CRLF3: variants seen among roughly 807,000 people sequenced by gnomAD.
The protein encoded by CRLF3 is cytokine receptor like factor 3, also known as cytokine receptor-like factor 3.
A neutral mutation model predicts 55.0 loss-of-function variants in CRLF3; 33 were observed. The observed-to-expected ratio is 0.60, with a 90% CI of 0.46 to 0.80. The LOEUF (loss-of-function observed/expected upper bound fraction) is 0.80. CRLF3 is among the 30% of genes least tolerant of loss of function. The probability of loss-of-function intolerance (pLI) is 0.00; values close to 1 mark genes in which losing one functional copy is unlikely to be tolerated. For missense variants in CRLF3, 494 were observed against 538.4 expected (o/e 0.92, Z 0.82); for synonymous variants, 238 against 196.8 (o/e 1.21, Z -1.75).
rs1047159709 is a variant in CRLF3 at position 30,792,561 on chromosome 17, C to T, written c.838G>A (p.Gly280Ser). The change falls in exon 6 of 8, where the codon GGT becomes AGT. Residue 280 changes from glycine to serine, a missense_variant. By Grantham distance (56) the Gly-to-Ser change is moderately conservative. Transcript: ENST00000324238. ...CTGCTCAGACTGTACCCCTCAAAAC[C>T]AGCTGTCCACTCTTTTTCAAAGCAA... ...STLVPHEWTA[G>S]FEGYSLSSRR... The T allele has an allele frequency of 6.3e-7, 1 of 1,598,326 alleles. No homozygotes were observed. The highest frequency in any genetic ancestry group is 1.1e-5 in the South Asian group (1 of 90,368).
chr17:30,795,097 A>G (rs1971890242), intron 4 of CRLF3, among the ~76,000 whole-genome samples: 1 of 152,204 alleles, frequency 6.6e-6, no homozygotes, highest in South Asian at 2.1e-4. Flanking sequence ...AACTAGGTCC[A>G]CTGATAGGAA....
At chr17:30,821,315 G>A (rs1367308777) in intron 1 of CRLF3, among the ~76,000 whole-genome samples, 3 of 150,344 alleles carry the variant, frequency 2.0e-5, no homozygotes, top group Non-Finnish European at 4.4e-5. Context: ...ACTCCAGCCT[G>A]GGTGACAGAG....
chr17:30,820,239 T>C (rs1054648894), intron 1 of CRLF3, among the ~76,000 whole-genome samples: 5 of 152,214 alleles, frequency 3.3e-5, no homozygotes, highest in African/African-American at 1.2e-4. Flanking sequence ...GAGCCCAAAC[T>C]TAACCACAAG....
chr17:30,810,943 A>G (rs1160596239), intron 1 of CRLF3, among the ~76,000 whole-genome samples: 3 of 151,206 alleles, frequency 2.0e-5, no homozygotes, highest in African/African-American at 7.3e-5. Context: ...ACAAAAAATC[A>G]GCTGTGTGTG....
chr17:30,787,867 A>C (rs980076305), intron 6 of CRLF3, among the ~76,000 whole-genome samples: 3 of 152,052 alleles, frequency 2.0e-5, no homozygotes, highest in Admixed American at 6.6e-5. Context: ...TGGGTGTGGT[A>C]GTGGCTCCTG....
intron 1 of CRLF3, among the ~76,000 whole-genome samples, chr17:30,821,962 T>G (rs148401771): frequency 6.6e-6 from 1 of 150,658 alleles, no homozygotes; most frequent in East Asian, 2.0e-4. Context: ...GGCTCACACC[T>G]GTAATTCCAT....
intron 6 of CRLF3, chr17:30,790,915 C>G (rs1476987157): frequency 6.6e-6 from 1 of 151,102 alleles, no homozygotes; most frequent in Non-Finnish European, 1.5e-5. Context: ...AGTGCCCGGC[C>G]TATGCTTTTT....
chr17:30,791,215 T>C (rs1042680100), intron 6 of CRLF3, among the ~76,000 whole-genome samples: 3 of 151,548 alleles, frequency 2.0e-5, no homozygotes, highest in African/African-American at 7.3e-5. Context: ...GGATTACAGG[T>C]GTGCACTACC....
At chr17:30,790,940 A>T (rs1388026440) in intron 6 of CRLF3, 1 of 150,868 alleles carries the variant, frequency 6.6e-6, no homozygotes, top group Non-Finnish European at 1.5e-5. Context: ...TTTTTTTGAG[A>T]CGGAGTCTCG....
intron 6 of CRLF3, among the ~76,000 whole-genome samples, chr17:30,789,829 A>C (rs1312719222): frequency 6.6e-6 from 1 of 152,204 alleles, no homozygotes; most frequent in East Asian, 1.9e-4. Flanking sequence ...GCCTGAATTT[A>C]TCAAGTTAGG....
chr17:30,786,359 G>T, intron 6 of CRLF3: 1 of 175,516 alleles, frequency 5.7e-6, no homozygotes, highest in Non-Finnish European at 1.2e-5. Context: ...CTGCTTCAGC[G>T]TCCCAAGTAG....
chr17:30,817,904 CAAAAA>C (rs924297403), intron 1 of CRLF3, among the ~76,000 whole-genome samples: 3 of 61,320 alleles, frequency 4.9e-5, no homozygotes, highest in African/African-American at 6.6e-5. Flanking sequence ...GACTCCATCC[CAAAAA>C]AAAAAAAAAA....
chr17:30,796,134 C>CT, intron 4 of CRLF3, 26 bp downstream of exon 4: 1 of 1,540,526 alleles, frequency 6.5e-7, no homozygotes, highest in South Asian at 1.3e-5. Flanking sequence ...ATGTGGAAGT[C>CT]ATTTCTAGAA....
chr17:30,795,690 C>T (rs1027087010), intron 4 of CRLF3, among the ~76,000 whole-genome samples: 2 of 151,920 alleles, frequency 1.3e-5, no homozygotes, highest in African/African-American at 4.8e-5. Flanking sequence ...AATCCCAGCA[C>T]TTTGGGTGGC....
chr17:30,809,429 A>T (rs910850706), intron 1 of CRLF3: 11 of 152,200 alleles, frequency 7.2e-5, no homozygotes, highest in African/African-American at 2.7e-4. Context: ...TATGAAACTA[A>T]TTTAAAAATG....
chr17:30,796,042 A>G, intron 4 of CRLF3, 118 bp downstream of exon 4: 1 of 577,984 alleles, frequency 1.7e-6, no homozygotes, highest in Non-Finnish European at 2.9e-6. Flanking sequence ...AAAGTAAAAG[A>G]GATTTTTGTT....
intron 1 of CRLF3, among the ~76,000 whole-genome samples, chr17:30,804,994 C>T (rs1904342042): frequency 6.6e-6 from 1 of 151,982 alleles, no homozygotes; most frequent in Non-Finnish European, 1.5e-5. Flanking sequence ...ACCAGCCTGG[C>T]CAACGTAGTG....
intron 6 of CRLF3, chr17:30,787,474 GTACAGAT>G (rs1971674583): frequency 6.6e-6 from 1 of 151,480 alleles, no homozygotes. Flanking sequence ...AATAGGAAAT[GTACAGAT>G]CCCTATTGCC....
Position 30,784,330 on chromosome 17 carries a change from C to T in CRLF3, c.1186G>A (p.Glu396Lys), listed in dbSNP as rs1269776066. 1.9e-6 allele frequency: 3 copies of T among 1,614,142 alleles called. No individual in the cohort carries two copies. The highest frequency in any genetic ancestry group is 2.5e-6 in the Non-Finnish European group (3 of 1,179,994). ...ACTCGAAGCTTGAAGTGTCCACCTT[C>T]ATTATTACTGGTGGTTCCTAGAGTC... is the stretch of plus-strand genomic sequence containing the variant. ...AVTLGTTSNN[E>K]GGHFKLRVTI... Residue 396 changes from glutamate (E) to lysine (K), a missense_variant, in exon 8 of 8, where the codon GAA becomes AAA. By Grantham distance (56) the Glu-to-Lys change is moderately conservative (BLOSUM62 1). Coordinates refer to ENST00000324238, the MANE Select transcript of CRLF3 (RefSeq NM_015986.4).
Sources: allele counts gnomAD v4.1 joint callset (sites outside exome capture counted in the v4.1 genomes callset), GRCh38; gene constraint gnomAD v4.1.1; transcripts MANE v1.5; gene names NCBI Gene and HGNC (gene_info 2026-07-23, HGNC 2026-07-21).